The following LRP5 variants were observed in gnomAD, a reference collection of about 807,000 sequenced individuals.
The protein encoded by LRP5 is LDL receptor related protein 5.
A neutral mutation model predicts 154.1 loss-of-function variants in LRP5; 62 were observed. The ratio of observed to expected loss-of-function variants is 0.40; its 90% CI spans 0.33 to 0.50. The LOEUF (loss-of-function observed/expected upper bound fraction) is 0.50, where lower values mean the gene tolerates loss of function less well. Ranked by LOEUF, LRP5 falls within the 20% of genes least tolerant of loss-of-function variation. The pLI is 0.55. For synonymous variants in LRP5, 966 were observed against 1,011.5 expected (o/e 0.96, Z 0.85); for missense variants, 1,915 against 2,336.7 (o/e 0.82, Z 3.72).
intron 1 of LRP5, among the ~76,000 whole-genome samples, chr11:68,321,950 G>A (rs2098596995): frequency 6.6e-6 from 1 of 152,194 alleles, no homozygotes; most frequent in Non-Finnish European, 1.5e-5. Context: ...TGGCCACCTT[G>A]GGTTCTGCCC....
chr11:68,327,379 C>A (rs1340109522), intron 1 of LRP5, among the ~76,000 whole-genome samples: 2 of 152,216 alleles, frequency 1.3e-5, no homozygotes, highest in African/African-American at 4.8e-5. Context: ...GACAAGCATC[C>A]CTCCAGGTAT....
In LRP5 at chr11:68,312,773, T is replaced by TGCTGGC. The variant is rs1358673667; in HGVS notation, c.60_61insCTGGCG (p.Leu20_Ala21insLeuAla). 9.2e-7 allele frequency: 1 copy of TGCTGGC among 1,089,316 alleles called. No individual in the cohort carries two copies. Among genetic ancestry groups the TGCTGGC allele is most frequent in the African/African-American group, 1.7e-5 (1 of 57,822 alleles). The allele number at this position is 1,089,316 out of a possible 1,614,324, so 67.5% of individuals were successfully genotyped here. A position where few individuals can be genotyped will look rare whatever the true frequency, so the allele number is the denominator to read the frequency against. On this transcript the variant is annotated inframe_insertion, in exon 1 of 23. Transcript: ENST00000294304. ...CTGCTGCTGCTGCTGCTGCTGCTGC[T>TGCTGGC]GGCGCTGTGCGGCTGCCCGGCCCCC...
At chr11:68,416,552 G>A (rs762409027) in intron 13 of LRP5, 25 bp downstream of exon 13, 39 of 1,610,830 alleles carry the variant, frequency 2.4e-5, no homozygotes, top group South Asian at 1.4e-4. Flanking sequence ...GGAAGGGTGC[G>A]GGGTGTGCTT....
In LRP5 at chr11:68,376,981, T is replaced by G. The variant is rs527699341; in HGVS notation, c.1016-9335T>G. On this transcript the variant is annotated intron_variant, in intron 5 of 22. Transcript: ENST00000294304. ...AGGGTCCCCAGCAAGGGGGTGTGAG[T>G]GTTTAGTACCACAGGGAGGGCTGGC... Among the ~76,000 whole-genome samples the G allele has an allele frequency of 4.6e-5, 7 of 152,140 alleles. No homozygotes were observed. In the East Asian group the frequency reaches 1.4e-3, roughly 29 times the overall value.
In LRP5 at chr11:68,326,676, C is replaced by T. The variant is rs4988306; in HGVS notation, c.91+13871C>T. ...CTCTCTCCTGCAGCCTGCTGTGGCT[C>T]CCCATCGCCTCTGGGATGAGAGCAG... is the stretch of plus-strand genomic sequence containing the variant. On this transcript the variant is annotated intron_variant, in intron 1 of 22. Coordinates refer to ENST00000294304, the MANE Select transcript of LRP5 (RefSeq NM_002335.4). Among the ~76,000 whole-genome samples the T allele has an allele frequency of 6.5e-3, 993 of 152,378 alleles. 4 individuals are homozygous for T. Among genetic ancestry groups the T allele is most frequent in the Non-Finnish European group, 0.011 (744 of 68,038 alleles).
chr11:68,412,948 C>T, intron 11 of LRP5: 1 of 175,738 alleles, frequency 5.7e-6, no homozygotes, highest in Non-Finnish European at 1.2e-5. Flanking sequence ...CAGCTGAATG[C>T]CTTGTCCCAG....
At chr11:68,446,145 C>G (rs1428795452) in intron 21 of LRP5, among the ~76,000 whole-genome samples, 1 of 152,208 alleles carries the variant, frequency 6.6e-6, no homozygotes, top group African/African-American at 2.4e-5. Flanking sequence ...GAAGTCCTGT[C>G]CCCGCCTTCA....
At chr11:68,434,274 C>A (rs1452109651) in intron 18 of LRP5, among the ~76,000 whole-genome samples, 1 of 152,184 alleles carries the variant, frequency 6.6e-6, no homozygotes, top group Non-Finnish European at 1.5e-5. Context: ...GCATCCTGGG[C>A]CCTCTCTGAC....
chr11:68,396,597 G>A (rs751481012), intron 7 of LRP5, among the ~76,000 whole-genome samples: 18 of 152,178 alleles, frequency 1.2e-4, no homozygotes, highest in Non-Finnish European at 2.1e-4. Context: ...CATTAGAGAC[G>A]CCCACAACAG....
In LRP5 at chr11:68,423,326, C is replaced by T. The variant is rs2098666869; in HGVS notation, c.3028-163C>T. ...TCAGGCTAAACTTGAGAAGTGTGGC[C>T]TCTGCTGTCCTGCCAGAGCTCTCCA... On this transcript the variant is annotated intron_variant, in intron 13 of 22. Transcript: ENST00000294304. This position sits in a 1 kb window ranked among gnomAD's most constrained non-coding sequence, Gnocchi z 4.7. Among the ~76,000 whole-genome samples, 1 of 152,180 alleles carries T rather than the reference C, an allele frequency of 6.6e-6. No homozygotes were observed. Among genetic ancestry groups the T allele is most frequent in the South Asian group, 2.1e-4 (1 of 4,832 alleles).
intron 17 of LRP5, among the ~76,000 whole-genome samples, chr11:68,432,660 G>A (rs1209772200): frequency 1.3e-5 from 2 of 152,162 alleles, no homozygotes; most frequent in Admixed American, 6.5e-5. Flanking sequence ...GGCCTGGGCC[G>A]ATTTCCCAGC....
Position 68,448,957 on chromosome 11 carries a change from C to A in LRP5, c.4735C>A (p.Pro1579Thr). The A allele has an allele frequency of 6.2e-7, 1 of 1,612,978 alleles. No individual in the cohort carries two copies. The highest frequency in any genetic ancestry group is 1.3e-5 in the African/African-American group (1 of 74,966). The change falls in exon 23 of 23, where the codon CCC becomes ACC. Residue 1579 changes from proline to threonine, a missense_variant. Physicochemically the swap from Pro to Thr is conservative, Grantham distance 38. Transcript: ENST00000294304. ...AGACCCCTATCCACCCCCACCCACG[C>A]CCCACAGCCAGTACCTGTCGGCGGA... ...DSDPYPPPPT[P>T]HSQYLSAEDS... is the part of the protein sequence containing the mutation.
intron 22 of LRP5, among the ~76,000 whole-genome samples, chr11:68,448,445 A>G (rs1315067394): frequency 6.6e-6 from 1 of 152,238 alleles, no homozygotes; most frequent in East Asian, 1.9e-4. Context: ...CGAAATGGGT[A>G]CTATTTCATC....
chr11:68,448,361 G>A lies in LRP5; in HGVS notation c.4587-448G>A, dbSNP rs146777236. ...TTACAGTAACAGTGTTAGGTGAACA[G>A]TTGTCCAGTCTCCTGTTTTGTCGGA... is the stretch of plus-strand genomic sequence containing the variant. On this transcript the variant is annotated intron_variant, in intron 22 of 22. Transcript: ENST00000294304. Among the ~76,000 whole-genome samples the A allele has an allele frequency of 1.6e-4, 24 of 152,372 alleles. No homozygotes were observed. The East Asian group carries it at 4.6e-3, about 29-fold the overall frequency.
intron 7 of LRP5, among the ~76,000 whole-genome samples, chr11:68,397,850 G>T (rs1469034125): frequency 6.6e-6 from 1 of 152,142 alleles, no homozygotes; most frequent in East Asian, 1.9e-4. Context: ...TTTGCTAAGT[G>T]GGTGGAGGTG....
chr11:68,335,074 C>CT (rs35822609), intron 1 of LRP5, among the ~76,000 whole-genome samples: 10,196 of 123,550 alleles, frequency 0.083, 469 homozygotes, highest in Non-Finnish European at 0.091. Flanking sequence ...CCTGACCTGG[C>CT]TTTTTTTTTT....
At chr11:68,340,466 C>T (rs7121668) in intron 1 of LRP5, among the ~76,000 whole-genome samples, 1 of 151,882 alleles carries the variant, frequency 6.6e-6, no homozygotes, top group Non-Finnish European at 1.5e-5. Context: ...ACCACTACCC[C>T]CTCCCGGCTG....
intron 16 of LRP5, 56 bp from the exon 17 acceptor site, chr11:68,429,519 G>A: frequency 6.2e-7 from 1 of 1,611,844 alleles, no homozygotes. Context: ...TCCAGGCTGT[G>A]GTTCTGAGGT....
intron 9 of LRP5, among the ~76,000 whole-genome samples, chr11:68,409,084 A>ATT (rs1480441300): frequency 2.3e-5 from 1 of 42,910 alleles, no homozygotes; most frequent in East Asian, 5.8e-4. Flanking sequence ...ATATATATAT[A>ATT]TATATATATA....
Sources: allele counts gnomAD v4.1 joint callset (sites outside exome capture counted in the v4.1 genomes callset), GRCh38; gene constraint gnomAD v4.1.1; non-coding constraint Gnocchi (gnomAD v3.1); transcripts MANE v1.5; gene names NCBI Gene and HGNC (gene_info 2026-07-23, HGNC 2026-07-21).